Variants in PLCB1 observed in about 807,000 individuals in gnomAD.
PLCB1 encodes the protein 1-phosphatidylinositol 4,5-bisphosphate phosphodiesterase beta-1.
A neutral mutation model predicts 161.8 loss-of-function variants in PLCB1; 46 were observed. The observed-to-expected ratio is 0.28, with a 90% CI of 0.22 to 0.36. The LOEUF is 0.36. Ranked by LOEUF, PLCB1 falls within the 10% of genes least tolerant of loss-of-function variation. PLCB1 has a pLI of 1.00. For synonymous variants in PLCB1, 517 were observed against 503.7 expected (o/e 1.03, Z -0.35); for missense variants, 1,016 against 1,472.5 (o/e 0.69, Z 5.07).
At chr20:8,725,972 T>A (rs1396367558) in intron 16 of PLCB1, among the ~76,000 whole-genome samples, 1 of 152,170 alleles carries the variant, frequency 6.6e-6, no homozygotes, top group East Asian at 1.9e-4. Context: ...ATAGTTATGC[T>A]TAATTTAATA....
chr20:8,849,784 G>A (rs1986823938), intron 31 of PLCB1, among the ~76,000 whole-genome samples: 1 of 152,078 alleles, frequency 6.6e-6, no homozygotes, highest in Non-Finnish European at 1.5e-5. Flanking sequence ...GGAGGCCAAG[G>A]TGGGCGGATC....
chr20:8,219,064 T>C (rs1979279485), intron 2 of PLCB1, among the ~76,000 whole-genome samples: 2 of 152,300 alleles, frequency 1.3e-5, no homozygotes, highest in Non-Finnish European at 2.9e-5. Context: ...AGAATGTCAC[T>C]GATACACCAA....
intron 3 of PLCB1, among the ~76,000 whole-genome samples, chr20:8,433,980 T>G (rs1980184237): frequency 1.3e-5 from 2 of 152,206 alleles, no homozygotes; most frequent in African/African-American, 4.8e-5. Flanking sequence ...TTTTTTGCCC[T>G]TATTACCAGA....
chr20:8,442,877 T>C (rs1050261364), intron 3 of PLCB1, among the ~76,000 whole-genome samples: 16 of 152,146 alleles, frequency 1.1e-4, no homozygotes, highest in Admixed American at 9.2e-4. Flanking sequence ...CCTTGGATAG[T>C]AGCACACCTT....
At position 8,564,197 on chromosome 20, in the gene PLCB1, T is replaced by C. The variant is rs574250051; in HGVS notation, c.247-64097T>C. The stretch of plus-strand genomic sequence containing the variant: ...GGCCTCAGAAATAACACCACACATC[T>C]ACATCTTTGACAAACCTTACAAAAA... On this transcript the variant is annotated intron_variant, in intron 3 of 31. Transcript: ENST00000338037. 2.6e-5 allele frequency among the ~76,000 whole-genome samples: 4 copies of C among 151,102 alleles called. No homozygotes were observed. The East Asian group carries it at 7.9e-4, about 30-fold the overall frequency.
In PLCB1 at chr20:8,658,532, T is replaced by C; in HGVS notation, c.696-6T>C. 1 of 1,588,838 alleles carries C rather than the reference T, an allele frequency of 6.3e-7. No homozygotes were observed. Among genetic ancestry groups the C allele is most frequent in the Non-Finnish European group, 8.5e-7 (1 of 1,170,974 alleles). On this transcript the variant is annotated splice_polypyrimidine_tract_variant and splice_region_variant and intron_variant, in intron 8 of 31. Coordinates refer to ENST00000338037, the MANE Select transcript of PLCB1 (RefSeq NM_015192.4). ...TTCTTATTGCTTGGTTTTTCATTGTTTTTAGTGGTGCAAAAAGCAAACCAT... is the reference window on the plus strand; with the variant it reads ...TTCTTATTGCTTGGTTTTTCATTGTCTTTAGTGGTGCAAAAAGCAAACCAT...
At chr20:8,150,253 G>A (rs45598437) in intron 1 of PLCB1, 41 bp from the exon 2 acceptor site, 3 of 846,628 alleles carry the variant, frequency 3.5e-6, no homozygotes, top group East Asian at 5.1e-5. Flanking sequence ...TTTTTCTACA[G>A]TGATATATGT....
intron 3 of PLCB1, among the ~76,000 whole-genome samples, chr20:8,620,843 G>C (rs1249452961): frequency 1.3e-5 from 2 of 151,642 alleles, no homozygotes; most frequent in Non-Finnish European, 2.9e-5. Context: ...CATAGATGAT[G>C]GATTTTCTTA....
intron 3 of PLCB1, among the ~76,000 whole-genome samples, chr20:8,540,075 C>T (rs929039419): frequency 1.3e-5 from 2 of 152,126 alleles, no homozygotes; most frequent in African/African-American, 4.8e-5. Flanking sequence ...TAGGACAACA[C>T]AGTCAGTGAG....
intron 1 of PLCB1, among the ~76,000 whole-genome samples, chr20:8,143,648 T>G (rs2051425708): frequency 6.6e-6 from 1 of 152,162 alleles, no homozygotes; most frequent in Non-Finnish European, 1.5e-5. Flanking sequence ...TAGGCCAGCA[T>G]GAGTAGAAGA....
rs755135706 is a variant in PLCB1 at position 8,657,254 on chromosome 20, G to T, written c.665G>T (p.Arg222Leu). ...YRVFLNNLCP[R>L]PEIDNIFSEF... Reference sequence around the variant, plus strand: ...GTTTTCCTCAACAACCTTTGCCCTCGACCTGAAATTGATAACATCTTTTCA... The same window carrying T: ...GTTTTCCTCAACAACCTTTGCCCTCTACCTGAAATTGATAACATCTTTTCA... Residue 222 changes from arginine to leucine, a missense_variant, in exon 8 of 32, where the codon CGA becomes CTA. By Grantham distance (102) the Arg-to-Leu change is moderately radical. This residue lies in a region of PLCB1 where 117 missense variants were observed against 142.2 expected (regional missense o/e 0.82). Coordinates refer to ENST00000338037, the MANE Select transcript of PLCB1 (RefSeq NM_015192.4). The T allele has an allele frequency of 2.5e-6, 4 of 1,605,044 alleles. No homozygotes were observed. Among genetic ancestry groups the T allele is most frequent in the Non-Finnish European group, 8.5e-7 (1 of 1,172,260 alleles).
chr20:8,808,296 G>A (rs1421697775), intron 31 of PLCB1, among the ~76,000 whole-genome samples: 1 of 152,156 alleles, frequency 6.6e-6, no homozygotes, highest in African/African-American at 2.4e-5. Flanking sequence ...CTTCTCCTCT[G>A]GGTTTGCAGA....
intron 2 of PLCB1, among the ~76,000 whole-genome samples, chr20:8,297,147 A>T (rs777413803): frequency 2.0e-5 from 3 of 152,114 alleles, no homozygotes; most frequent in African/African-American, 7.2e-5. Context: ...ACATATATAC[A>T]TGCATACTCC....
intron 2 of PLCB1, among the ~76,000 whole-genome samples, chr20:8,267,817 G>C (rs1243840862): frequency 3.3e-5 from 5 of 151,916 alleles, no homozygotes; most frequent in Non-Finnish European, 4.4e-5. Flanking sequence ...ATAAAGGAGT[G>C]GCCCATGACC....
chr20:8,296,717 C>T (rs1215536191), intron 2 of PLCB1, among the ~76,000 whole-genome samples: 1 of 152,066 alleles, frequency 6.6e-6, no homozygotes, highest in Non-Finnish European at 1.5e-5. Context: ...TTTATTGATC[C>T]CCCTGTCCCA....
intron 9 of PLCB1, among the ~76,000 whole-genome samples, chr20:8,677,297 C>T (rs2123378033): frequency 6.6e-6 from 1 of 152,160 alleles, no homozygotes; most frequent in Middle Eastern, 3.4e-3. Flanking sequence ...ACTTGGGAGG[C>T]TGAGGCAGGA....
At chr20:8,881,282 C>T (rs571427076) in intron 31 of PLCB1, among the ~76,000 whole-genome samples, 2 of 151,834 alleles carry the variant, frequency 1.3e-5, no homozygotes, top group South Asian at 4.2e-4. Context: ...TGGGATTACA[C>T]GTGTGAGCCA....
At chr20:8,546,509 A>G (rs1303245904) in intron 3 of PLCB1, among the ~76,000 whole-genome samples, 1 of 152,066 alleles carries the variant, frequency 6.6e-6, no homozygotes, top group African/African-American at 2.4e-5. Flanking sequence ...TTCTTATACT[A>G]CCAAGAATGC....
intron 8 of PLCB1, 72 bp from the exon 9 acceptor site, chr20:8,658,466 G>T: frequency 8.7e-7 from 1 of 1,146,940 alleles, no homozygotes; most frequent in South Asian, 1.5e-5. Context: ...TATTTCCCTA[G>T]AGTTAAATGC....
Sources: allele counts gnomAD v4.1 joint callset (sites outside exome capture counted in the v4.1 genomes callset), GRCh38; gene constraint gnomAD v4.1.1; regional missense constraint gnomAD v4.1.1; transcripts MANE v1.5; gene names NCBI Gene and HGNC (gene_info 2026-07-23, HGNC 2026-07-21).